The following LDLRAD4 variants were observed in gnomAD, a reference collection of about 807,000 sequenced individuals.
LDLRAD4 encodes the protein low-density lipoprotein receptor class A domain-containing protein 4.
LDLRAD4 carries 5 observed loss-of-function variants against 17.0 expected under a neutral mutation model. The observed-to-expected ratio is 0.29, with a 90% CI of 0.15 to 0.62. The LOEUF (loss-of-function observed/expected upper bound fraction) is 0.62, where lower values mean the gene tolerates loss of function less well. Ranked by LOEUF, LDLRAD4 falls within the 20% of genes least tolerant of loss-of-function variation. The probability of loss-of-function intolerance (pLI) is 0.84; values close to 1 mark genes in which losing one functional copy is unlikely to be tolerated. For missense variants in LDLRAD4, 340 were observed against 424.7 expected, an observed-to-expected ratio of 0.80 and a Z score of 1.75; for synonymous variants, 168 against 171.8, an observed-to-expected ratio of 0.98 and a Z score of 0.17.
At chr18:13,354,578 C>T (rs2083229659) in intron 1 of LDLRAD4, among the ~76,000 whole-genome samples, 3 of 152,104 alleles carry the variant, frequency 2.0e-5, no homozygotes, top group South Asian at 2.1e-4. Flanking sequence ...CTCCATGAAA[C>T]CAAAGGGGCC....
At chr18:13,523,885 C>G (rs910884914) in intron 3 of LDLRAD4, among the ~76,000 whole-genome samples, 1 of 152,198 alleles carries the variant, frequency 6.6e-6, no homozygotes, top group East Asian at 1.9e-4. Context: ...GCCCATCTCT[C>G]TGGGTCTCTA....
At chr18:13,252,522 G>A (rs1286975107) in intron 1 of LDLRAD4, among the ~76,000 whole-genome samples, 1 of 152,218 alleles carries the variant, frequency 6.6e-6, no homozygotes, top group Non-Finnish European at 1.5e-5. Flanking sequence ...CCAGATGACT[G>A]ACCTCAGGCA....
intron 2 of LDLRAD4, among the ~76,000 whole-genome samples, chr18:13,391,182 G>A (rs1029553898): frequency 2.0e-5 from 3 of 152,212 alleles, no homozygotes; most frequent in Non-Finnish European, 2.9e-5. Flanking sequence ...TTTAGGGCCA[G>A]GCAAACATCA....
chr18:13,395,250 A>G (rs1369659143), intron 2 of LDLRAD4, among the ~76,000 whole-genome samples: 1 of 151,222 alleles, frequency 6.6e-6, no homozygotes, highest in African/African-American at 2.4e-5. Context: ...GTGCTCGATA[A>G]ATGTTCTTCC....
intron 3 of LDLRAD4, chr18:13,613,900 G>A (rs913973959): frequency 1.3e-5 from 2 of 152,224 alleles, no homozygotes; most frequent in Non-Finnish European, 1.5e-5. Flanking sequence ...TCATTTTATT[G>A]TCATGCAAAT....
At chr18:13,607,700 G>A (rs892541162) in intron 3 of LDLRAD4, among the ~76,000 whole-genome samples, 51 of 152,248 alleles carry the variant, frequency 3.3e-4, no homozygotes, top group African/African-American at 1.2e-3. Flanking sequence ...GTGGTGTTTG[G>A]TTTTCTGTTC....
intron 3 of LDLRAD4, among the ~76,000 whole-genome samples, chr18:13,449,074 A>C (rs1388269140): frequency 1.3e-5 from 2 of 152,242 alleles, no homozygotes; most frequent in Non-Finnish European, 2.9e-5. Context: ...CTTCCTTCCC[A>C]GAAAGAAAAC....
At chr18:13,508,388 G>A (rs2093727046) in intron 3 of LDLRAD4, among the ~76,000 whole-genome samples, 1 of 152,234 alleles carries the variant, frequency 6.6e-6, no homozygotes, top group South Asian at 2.1e-4. Context: ...GATTTTCAGT[G>A]TAGGTGGAAT....
At chr18:13,612,430 C>G in intron 3 of LDLRAD4, 1 of 1,263,712 alleles carries the variant, frequency 7.9e-7, no homozygotes, top group Non-Finnish European at 1.0e-6. Flanking sequence ...CTGTTGATGG[C>G]AGTTGATAAT....
intron 1 of LDLRAD4, among the ~76,000 whole-genome samples, chr18:13,255,839 G>A (rs1240268023): frequency 6.6e-6 from 1 of 152,172 alleles, no homozygotes; most frequent in African/African-American, 2.4e-5. Context: ...TTTCTGCTGA[G>A]CACTGGAATT....
chr18:13,424,870 C>G (rs763777230), intron 2 of LDLRAD4, among the ~76,000 whole-genome samples: 1 of 152,094 alleles, frequency 6.6e-6, no homozygotes, highest in Non-Finnish European at 1.5e-5. Flanking sequence ...GGAAGATGCT[C>G]GGGACCACAT....
At chr18:13,234,570 C>T (rs1239155975) in intron 1 of LDLRAD4, among the ~76,000 whole-genome samples, 1 of 152,224 alleles carries the variant, frequency 6.6e-6, no homozygotes, top group Non-Finnish European at 1.5e-5. Context: ...GGACTCCTCC[C>T]TTCTGCCAAC....
chr18:13,620,249 G>A (rs970560713), intron 3 of LDLRAD4, among the ~76,000 whole-genome samples: 4 of 152,216 alleles, frequency 2.6e-5, no homozygotes, highest in Admixed American at 2.6e-4. Context: ...TGTGTGCTGT[G>A]AGCCCAGGGC....
At chr18:13,575,736 T>C (rs1218848992) in intron 3 of LDLRAD4, among the ~76,000 whole-genome samples, 6 of 152,254 alleles carry the variant, frequency 3.9e-5, no homozygotes, top group African/African-American at 1.4e-4. Flanking sequence ...CCAACATCTG[T>C]TATTTTTTGA....
chr18:13,545,011 A>G (rs2094340911), intron 3 of LDLRAD4, among the ~76,000 whole-genome samples: 1 of 152,090 alleles, frequency 6.6e-6, no homozygotes, highest in Non-Finnish European at 1.5e-5. Context: ...CTTAGAATGT[A>G]AACATCCACT....
intron 2 of LDLRAD4, among the ~76,000 whole-genome samples, chr18:13,411,080 G>A (rs752975485): frequency 3.3e-5 from 5 of 152,034 alleles, no homozygotes; most frequent in Non-Finnish European, 7.4e-5. Flanking sequence ...GCAAAATCCC[G>A]TCTCTACTAA....
chr18:13,630,909 G>A (rs2041604025), intron 4 of LDLRAD4, among the ~76,000 whole-genome samples: 1 of 152,218 alleles, frequency 6.6e-6, no homozygotes, highest in Non-Finnish European at 1.5e-5. Context: ...TCTCTAAGAG[G>A]CTGCAAAGCA....
In LDLRAD4 at chr18:13,288,767, T is replaced by C. The variant is rs2045793356; in HGVS notation, c.-383+10579T>C. 3.1e-5 allele frequency among the ~76,000 whole-genome samples: 4 copies of C among 128,358 alleles called. No homozygotes were observed. In the Admixed American group the frequency reaches 3.2e-4, roughly 10 times the overall value. 84.2% of individuals were successfully genotyped at this position (128,358 alleles called of 152,430 possible). A position where few individuals can be genotyped will look rare whatever the true frequency, so the allele number is the denominator to read the frequency against. The stretch of plus-strand genomic sequence containing the variant: ...CTGCAAGGTGAGTCACGGGCCACGG[T>C]AGCAGCCCTGCAGACCGTGGTCACT... On this transcript the variant is annotated intron_variant, in intron 1 of 5. Transcript: ENST00000359446.
chr18:13,366,792 G>A (rs894300956), intron 1 of LDLRAD4, among the ~76,000 whole-genome samples: 3 of 152,164 alleles, frequency 2.0e-5, no homozygotes, highest in East Asian at 1.9e-4. Context: ...CTCCAGCACC[G>A]CAGTGATGGG....
Sources: gnomAD v4.1 joint callset for allele counts (sites outside exome capture counted in the v4.1 genomes callset) on GRCh38, gnomAD v4.1.1 for gene constraint, MANE v1.5 for transcripts, NCBI Gene and HGNC (gene_info 2026-07-23, HGNC 2026-07-21) for gene names.